Variants in IFT25 observed in about 807,000 individuals in gnomAD.
The protein encoded by IFT25 is intraflagellar transport protein 25 homolog.
At chr1:53,928,892 G>T in the IFT25 span, 3 of 154,106 alleles carry the variant, frequency 1.9e-5, 1 homozygote, top group Non-Finnish European at 4.3e-5. Flanking sequence ...ATGATATACA[G>T]CTCATAAGTG....
chr1:53,921,887 A>T, the IFT25 span: 1 of 650,546 alleles, frequency 1.5e-6, no homozygotes. Context: ...ACAACACATA[A>T]GGCCAGCTAC....
the IFT25 span, among the ~76,000 whole-genome samples, chr1:53,922,564 T>C: frequency 1.3e-5 from 2 of 152,174 alleles, no homozygotes; most frequent in Admixed American, 6.5e-5. Context: ...ATAAGTATGT[T>C]TACAACCTTG....
the IFT25 span, among the ~76,000 whole-genome samples, chr1:53,938,428 G>T: frequency 1.3e-5 from 2 of 152,108 alleles, no homozygotes; most frequent in African/African-American, 4.8e-5. Flanking sequence ...AAATGTTATT[G>T]GAGCCCAGCA....
the IFT25 span, chr1:53,939,758 C>A: frequency 1.2e-5 from 5 of 425,468 alleles, no homozygotes; most frequent in African/African-American, 6.3e-5. Flanking sequence ...CTAAAAAAAC[C>A]TATTTGTATC....
At chr1:53,938,748 G>A in the IFT25 span, among the ~76,000 whole-genome samples, 2 of 152,132 alleles carry the variant, frequency 1.3e-5, no homozygotes, top group Non-Finnish European at 2.9e-5. Context: ...CCAAGAAAGA[G>A]GGTTCAAGAA....
the IFT25 span, among the ~76,000 whole-genome samples, chr1:53,925,808 A>G: frequency 3.3e-5 from 5 of 151,782 alleles, no homozygotes; most frequent in South Asian, 2.1e-4. Flanking sequence ...TTTTTTCACT[A>G]AAGTATTTTA....
At chr1:53,913,582 G>A in the IFT25 span, among the ~76,000 whole-genome samples, 3 of 152,162 alleles carry the variant, frequency 2.0e-5, no homozygotes, top group East Asian at 3.9e-4. Flanking sequence ...CTTCCTTTGA[G>A]ATGGGGCTCA....
chr1:53,936,204 C>G, the IFT25 span, among the ~76,000 whole-genome samples: 5 of 152,180 alleles, frequency 3.3e-5, no homozygotes, highest in South Asian at 2.1e-4. Flanking sequence ...AGAAGAATCA[C>G]TTGAACCTGG....
At chr1:53,919,848 G>A in the IFT25 span, among the ~76,000 whole-genome samples, 1 of 151,042 alleles carries the variant, frequency 6.6e-6, no homozygotes, top group Non-Finnish European at 1.5e-5. Context: ...GGAGTGCAGT[G>A]GCACAATCAT....
the IFT25 span, chr1:53,923,670 A>G: frequency 2.6e-6 from 1 of 388,322 alleles, no homozygotes; most frequent in Non-Finnish European, 4.5e-6. Flanking sequence ...AAAATAAAAC[A>G]AAAAATAAAT....
At chr1:53,913,670 T>G in the IFT25 span, among the ~76,000 whole-genome samples, 1 of 152,224 alleles carries the variant, frequency 6.6e-6, no homozygotes, top group Admixed American at 6.5e-5. Context: ...TGTGCCCCTC[T>G]AACCCCCAAA....
the IFT25 span, among the ~76,000 whole-genome samples, chr1:53,922,220 C>A: frequency 6.6e-6 from 1 of 152,146 alleles, no homozygotes; most frequent in African/African-American, 2.4e-5. Flanking sequence ...CATGGAGAAA[C>A]CCTGTCTCTA....
chr1:53,916,195 AG>A, the IFT25 span, among the ~76,000 whole-genome samples: 3 of 151,646 alleles, frequency 2.0e-5, no homozygotes, highest in Middle Eastern at 0.01. Context: ...AAAAAAAAAA[AG>A]AGGTGATTGG....
chr1:53,937,407 C>T, the IFT25 span, among the ~76,000 whole-genome samples: 75 of 152,262 alleles, frequency 4.9e-4, no homozygotes, highest in Admixed American at 8.5e-4. Flanking sequence ...CATGAGCCAC[C>T]GCGCCTGGCC....
chr1:53,939,074 CAAAA>C, the IFT25 span, among the ~76,000 whole-genome samples: 12 of 22,558 alleles, frequency 5.3e-4, no homozygotes, highest in East Asian at 9.6e-3. Context: ...AACTCCGTCT[CAAAA>C]AAAAAAAAAA....
the IFT25 span, among the ~76,000 whole-genome samples, chr1:53,942,952 G>A: frequency 2.6e-5 from 4 of 152,078 alleles, no homozygotes; most frequent in African/African-American, 7.2e-5. Flanking sequence ...GATATTGTTC[G>A]GAGGAGAGTA....
the IFT25 span, among the ~76,000 whole-genome samples, chr1:53,926,849 A>T: frequency 1.3e-5 from 2 of 151,902 alleles, no homozygotes; most frequent in African/African-American, 4.8e-5. Context: ...CAGCCTCCCA[A>T]GTAGCTACGA....
chr1:53,941,588 CCAGAGAA>C, the IFT25 span, among the ~76,000 whole-genome samples: 1 of 151,930 alleles, frequency 6.6e-6, no homozygotes, highest in African/African-American at 2.4e-5. Context: ...ACTATTGATA[CCAGAGAA>C]CCAGTCAGTG....
At chr1:53,937,365 C>T in the IFT25 span, among the ~76,000 whole-genome samples, 6 of 152,170 alleles carry the variant, frequency 3.9e-5, no homozygotes, top group East Asian at 1.9e-4. Context: ...CTGATCTGCC[C>T]GCCTCAGCCT....
Sources: allele counts gnomAD v4.1 joint callset (sites outside exome capture counted in the v4.1 genomes callset), GRCh38; gene constraint gnomAD v4.1.1; transcripts MANE v1.5; gene names NCBI Gene and HGNC (gene_info 2026-07-23, HGNC 2026-07-21).